ETV6: variants seen among roughly 807,000 people sequenced by gnomAD.
ETV6 encodes the protein ETS variant transcription factor 6.
ETV6 carries 16 observed loss-of-function variants against 51.1 expected under a neutral mutation model. That is an observed-to-expected ratio of 0.31 (90% CI 0.21 to 0.48). The LOEUF (loss-of-function observed/expected upper bound fraction) is 0.48. ETV6 is among the 20% of genes least tolerant of loss of function. ETV6 has a pLI of 0.99. For missense variants in ETV6, 458 were observed against 594.8 expected, an observed-to-expected ratio of 0.77 and a Z score of 2.39; for synonymous variants, 240 against 224.1, an observed-to-expected ratio of 1.07 and a Z score of -0.64.
rs558997364 is a variant in ETV6 at position 11,671,162 on chromosome 12, A to C, written c.33+21002A>C. 2.1e-4 allele frequency among the ~76,000 whole-genome samples: 32 copies of C among 152,322 alleles called. No homozygotes were observed. The Middle Eastern group carries it at 0.01, about 49-fold the overall frequency. ...GAAGAGAGAAGGAAATTAGGGTTCT[A>C]GCTTAAAACTGCTGCTAGAGTGGCT... is the stretch of plus-strand genomic sequence containing the variant. On this transcript the variant is annotated intron_variant, in intron 1 of 7. Transcript: ENST00000396373.
At chr12:11,685,686 G>A (rs979997784) in intron 1 of ETV6, among the ~76,000 whole-genome samples, 3 of 152,080 alleles carry the variant, frequency 2.0e-5, no homozygotes, top group African/African-American at 4.8e-5. Context: ...AGATGATCTC[G>A]ATCAAGTTTG....
At position 11,794,974 on chromosome 12, in the gene ETV6, A is replaced by G. The variant is rs986828542; in HGVS notation, c.163+42395A>G. 2.0e-5 allele frequency among the ~76,000 whole-genome samples: 3 copies of G among 152,236 alleles called. No individual in the cohort carries two copies. The East Asian group carries it at 5.8e-4, about 29-fold the overall frequency. ...TTTTGTGACCGTTGAACTGACCGTA[A>G]CAGCCTTTCTCTGATGTCCATGGCA... On this transcript the variant is annotated intron_variant, in intron 2 of 7. Transcript: ENST00000396373.
intron 1 of ETV6, among the ~76,000 whole-genome samples, chr12:11,725,162 T>A (rs1865465416): frequency 2.2e-5 from 1 of 45,646 alleles, no homozygotes; most frequent in South Asian, 6.8e-4. Flanking sequence ...TTTTTAGCTG[T>A]TTTTTTTTTT....
intron 4 of ETV6, among the ~76,000 whole-genome samples, chr12:11,859,918 A>T (rs1946690152): frequency 6.6e-6 from 1 of 152,184 alleles, no homozygotes; most frequent in Non-Finnish European, 1.5e-5. Context: ...CTGGGACTCC[A>T]AAGTATGTCT....
At chr12:11,855,819 G>A (rs1318777194) in intron 4 of ETV6, among the ~76,000 whole-genome samples, 1 of 151,962 alleles carries the variant, frequency 6.6e-6, no homozygotes, top group East Asian at 1.9e-4. Context: ...CCCCAATTCA[G>A]TTATTCATTC....
chr12:11,809,640 C>T (rs944646352), intron 2 of ETV6, among the ~76,000 whole-genome samples: 3 of 152,014 alleles, frequency 2.0e-5, no homozygotes, highest in East Asian at 1.9e-4. Flanking sequence ...GCTTTTTATT[C>T]GTAGTTTACT....
chr12:11,755,280 C>T (rs780992479), intron 2 of ETV6, among the ~76,000 whole-genome samples: 29 of 152,210 alleles, frequency 1.9e-4, no homozygotes, highest in Non-Finnish European at 3.7e-4. Flanking sequence ...TATAGAACTG[C>T]AGCACATTCC....
chr12:11,669,431 T>TTTCTTCCC (rs970793973), intron 1 of ETV6, among the ~76,000 whole-genome samples: 1 of 137,562 alleles, frequency 7.3e-6, no homozygotes, highest in African/African-American at 2.8e-5. Context: ...CCTTTCTTCC[T>TTTCTTCCC]TTCTTCCCTT....
intron 2 of ETV6, among the ~76,000 whole-genome samples, chr12:11,818,128 C>G (rs1946021152): frequency 6.6e-6 from 1 of 152,144 alleles, no homozygotes; most frequent in Non-Finnish European, 1.5e-5. Context: ...GGGAAAGGGC[C>G]TTGGGGGCCA....
Position 11,677,109 on chromosome 12 carries a change from G to A in ETV6, c.33+26949G>A, listed in dbSNP as rs562627944. Among the ~76,000 whole-genome samples, 149 of 152,256 alleles carry A rather than the reference G, an allele frequency of 9.8e-4. 1 individual carries two copies. Among genetic ancestry groups the A allele is most frequent in the South Asian group, 5.4e-3 (26 of 4,820 alleles). On this transcript the variant is annotated intron_variant, in intron 1 of 7. Transcript: ENST00000396373. Reference sequence around the variant, plus strand: ...TTCTGCTTGTTGTTAAACCCAATCCGAATCAACTAAAGGGAGGTCTATTCT... The same window carrying A: ...TTCTGCTTGTTGTTAAACCCAATCCAAATCAACTAAAGGGAGGTCTATTCT...
chr12:11,846,727 C>T (rs1002796842), intron 3 of ETV6, among the ~76,000 whole-genome samples: 1 of 152,190 alleles, frequency 6.6e-6, no homozygotes, highest in Admixed American at 6.5e-5. Context: ...ATGGGATACA[C>T]GGTAGCCTCA....
At chr12:11,874,975 A>G (rs1245923937) in intron 5 of ETV6, among the ~76,000 whole-genome samples, 4 of 151,698 alleles carry the variant, frequency 2.6e-5, no homozygotes, top group African/African-American at 7.3e-5. Flanking sequence ...CAGCACACCA[A>G]CATGGCACAT....
intron 1 of ETV6, among the ~76,000 whole-genome samples, chr12:11,666,479 A>G (rs955596518): frequency 3.0e-4 from 46 of 152,236 alleles, no homozygotes; most frequent in African/African-American, 1.0e-3. Flanking sequence ...TACAGTGGAT[A>G]GCCCAGTGAC....
chr12:11,662,493 GT>G (rs1479618333), intron 1 of ETV6, among the ~76,000 whole-genome samples: 11 of 152,216 alleles, frequency 7.2e-5, no homozygotes, highest in Non-Finnish European at 1.3e-4. Context: ...TGCGTTCGTT[GT>G]TAGCCATCAT....
intron 1 of ETV6, among the ~76,000 whole-genome samples, chr12:11,683,672 C>A (rs911593807): frequency 2.6e-5 from 4 of 152,140 alleles, no homozygotes; most frequent in Non-Finnish European, 4.4e-5. Flanking sequence ...AAGTCTATTT[C>A]TTTCTTTGAT....
intron 2 of ETV6, among the ~76,000 whole-genome samples, chr12:11,820,523 G>A (rs1018939218): frequency 6.6e-6 from 1 of 152,208 alleles, no homozygotes; most frequent in African/African-American, 2.4e-5. Context: ...TAGAAGGAGT[G>A]TCCAGGGAGG....
chr12:11,873,491 A>G (rs1946917474), intron 5 of ETV6, among the ~76,000 whole-genome samples: 1 of 44,222 alleles, frequency 2.3e-5, no homozygotes, highest in Admixed American at 3.0e-4. Flanking sequence ...CAGCTGTTAG[A>G]TGAGAAAACT....
At position 11,869,357 on chromosome 12, in the gene ETV6, G is replaced by A. The variant is rs1946840582; in HGVS notation, c.464-67G>A. On this transcript the variant is annotated intron_variant, in intron 4 of 7. Coordinates refer to ENST00000396373, the MANE Select transcript of ETV6 (RefSeq NM_001987.5). This position sits in a 1 kb window ranked among gnomAD's most constrained non-coding sequence, Gnocchi z 5.0. ...CGCTCCTCCATTTACCGCCTGTAGA[G>A]CCGCAGGGAGTTTCCTGTCCTGCCA... 1.4e-5 allele frequency: 20 copies of A among 1,445,754 alleles called. No homozygotes were observed. The South Asian group carries it at 2.6e-4, about 19-fold the overall frequency. The allele number at this position is 1,445,754 out of a possible 1,614,324, so 89.6% of individuals were successfully genotyped here.
At chr12:11,785,446 G>T (rs1945472239) in intron 2 of ETV6, among the ~76,000 whole-genome samples, 1 of 152,090 alleles carries the variant, frequency 6.6e-6, no homozygotes, top group South Asian at 2.1e-4. Flanking sequence ...TTTACTTAGT[G>T]CCTGATTTCC....
Sources: allele counts gnomAD v4.1 joint callset (sites outside exome capture counted in the v4.1 genomes callset), GRCh38; gene constraint gnomAD v4.1.1; non-coding constraint Gnocchi (gnomAD v3.1); transcripts MANE v1.5; gene names NCBI Gene and HGNC (gene_info 2026-07-23, HGNC 2026-07-21).